The following SSBP4 variants were observed in gnomAD, a reference collection of about 807,000 sequenced individuals.
SSBP4 encodes the protein single stranded DNA binding protein 4.
A neutral mutation model predicts 64.6 loss-of-function variants in SSBP4; 33 were observed. That is an observed-to-expected ratio of 0.51 (90% CI 0.39 to 0.68). The LOEUF (loss-of-function observed/expected upper bound fraction) is 0.68. SSBP4 is among the 30% of genes least tolerant of loss of function. The probability of loss-of-function intolerance (pLI) is 0.00; values close to 1 mark genes in which losing one functional copy is unlikely to be tolerated. For synonymous variants in SSBP4, 243 were observed against 224.0 expected (o/e 1.08, Z -0.76); for missense variants, 583 against 566.8 (o/e 1.03, Z -0.29).
the SSBP4 span, among the ~76,000 whole-genome samples, chr19:18,408,295 G>A: frequency 2.4e-4 from 37 of 152,138 alleles, no homozygotes; most frequent in Admixed American, 1.3e-4. Context: ...CCCTCAGGTA[G>A]GACAACAGAA....
chr19:18,429,569 G>A (rs1318608403), intron 4 of SSBP4, among the ~76,000 whole-genome samples: 1 of 151,944 alleles, frequency 6.6e-6, no homozygotes, highest in East Asian at 1.9e-4. Flanking sequence ...GACAGACACA[G>A]GGCTCAAAGG....
chr19:18,418,956 G>T, upstream of SSBP4: 2 of 985,724 alleles, frequency 2.0e-6, no homozygotes, highest in Non-Finnish European at 2.4e-6. This position sits in a 1 kb window ranked among gnomAD's most constrained non-coding sequence, Gnocchi z 6.7. Context: ...TATGTGCGGT[G>T]GTTCCCACCC....
Position 18,419,688 on chromosome 19 carries a change from G to C in SSBP4, c.40G>C (p.Asp14His). 1 of 1,190,406 alleles carries C rather than the reference G, an allele frequency of 8.4e-7. No individual in the cohort carries two copies. 73.7% of individuals were successfully genotyped at this position (1,190,406 alleles called of 1,614,324 possible). A position where few individuals can be genotyped will look rare whatever the true frequency, so the allele number is the denominator to read the frequency against. ...KGGKGSAVPS[D>H]SQAREKLALY... Reference sequence around the variant, plus strand: ...GGGCAAGGGTTCGGCCGTGCCCTCCGACAGCCAGGCCCGCGAGAAGTGAGT... The same window carrying C: ...GGGCAAGGGTTCGGCCGTGCCCTCCCACAGCCAGGCCCGCGAGAAGTGAGT... The change falls in exon 1 of 18, where the codon GAC becomes CAC. Residue 14 changes from aspartate (D) to histidine (H), a missense_variant. Coordinates refer to ENST00000270061, the MANE Select transcript of SSBP4 (RefSeq NM_032627.5).
chr19:18,430,908 C>T lies in SSBP4; in HGVS notation c.347C>T (p.Ser116Phe). ...MAPGDTMAAG[S>F]MAAGFFQGPP... is the part of the protein sequence containing the mutation. ...CCAGGTGACACAATGGCCGCAGGCT[C>T]CATGGCGGCTGGCTTCTTCCAGGTA... The change falls in exon 5 of 18, where the codon TCC becomes TTC. Residue 116 changes from serine to phenylalanine, a missense_variant. Physicochemically the swap from Ser to Phe is radical, Grantham distance 155. Around this residue, in one of 5 missense-constraint regions of SSBP4, gnomAD observed 444 missense variants for 386.6 expected, o/e 1.15. Coordinates refer to ENST00000270061, the MANE Select transcript of SSBP4 (RefSeq NM_032627.5). 6.2e-7 allele frequency: 1 copy of T among 1,613,006 alleles called. No individual in the cohort carries two copies. Among genetic ancestry groups the T allele is most frequent in the Non-Finnish European group, 8.5e-7 (1 of 1,179,896 alleles).
upstream of SSBP4, chr19:18,418,746 C>G (rs904750134): frequency 6.4e-6 from 1 of 155,586 alleles, no homozygotes; most frequent in African/African-American, 2.4e-5. The surrounding 1 kb of genome is among the most constrained non-coding windows in gnomAD (Gnocchi z 6.7). Flanking sequence ...CTGAGGAGGC[C>G]GCGATAGTGC....
rs1015353916 is a variant in SSBP4, at chr19:18,433,171, G to A, written c.949G>A (p.Ala317Thr). 8 of 1,592,336 alleles carry A rather than the reference G, an allele frequency of 5.0e-6. No homozygotes were observed. Among genetic ancestry groups the A allele is most frequent in the Admixed American group, 1.8e-5 (1 of 56,284 alleles). ...LGPGPEGPMA[A>T]MSAMEPHHVN... ...CCCTGGCCCGGAGGGCCCCATGGCCGCCATGAGCGCGATGGAGCCTCACCA... is the reference window on the plus strand; with the variant it reads ...CCCTGGCCCGGAGGGCCCCATGGCCACCATGAGCGCGATGGAGCCTCACCA... Residue 317 changes from alanine (A) to threonine (T), a missense_variant, in exon 15 of 18, where the codon GCC becomes ACC. Around this residue, in one of 5 missense-constraint regions of SSBP4, gnomAD observed 444 missense variants for 386.6 expected, o/e 1.15. Coordinates refer to ENST00000270061, the MANE Select transcript of SSBP4 (RefSeq NM_032627.5).
In SSBP4 at chr19:18,419,603, C is replaced by A; in HGVS notation, c.-46C>A. The A allele has an allele frequency of 8.1e-7, 1 of 1,240,528 alleles. No homozygotes were observed. The highest frequency in any genetic ancestry group is 1.0e-6 in the Non-Finnish European group (1 of 987,016). 76.8% of individuals were successfully genotyped at this position (1,240,528 alleles called of 1,614,324 possible). On this transcript the variant is annotated 5_prime_UTR_variant, in exon 1 of 18. Transcript: ENST00000270061. Reference sequence around the variant, plus strand: ...TGGCGACGGCAAGCGCGGCCCGCGGCGCCGCCTGACAGGTGTGGGCCCCGG... The same window carrying A: ...TGGCGACGGCAAGCGCGGCCCGCGGAGCCGCCTGACAGGTGTGGGCCCCGG...
Position 18,426,387 on chromosome 19 carries a change from A to G in SSBP4, c.60-964A>G, listed in dbSNP as rs1972858347. Among the ~76,000 whole-genome samples, 1 of 151,632 alleles carries G rather than the reference A, an allele frequency of 6.6e-6. No homozygotes were observed. The highest frequency in any genetic ancestry group is 6.6e-5 in the Admixed American group (1 of 15,234). ...CTGTCTTGAATCTAAGAGTCCCCCA[A>G]CCCCCAGCAGACTCTCGTGGTCCCT... On this transcript the variant is annotated intron_variant, in intron 1 of 17. Transcript: ENST00000270061. The surrounding 1 kb of genome is among the most constrained non-coding windows in gnomAD (Gnocchi z 4.5).
chr19:18,420,176 C>T (rs1481413561), intron 1 of SSBP4: 3 of 151,972 alleles, frequency 2.0e-5, no homozygotes, highest in Admixed American at 6.5e-5. Context: ...GGACCCCAGT[C>T]GCCTGGGGTA....
At chr19:18,403,790 T>C in the SSBP4 span, among the ~76,000 whole-genome samples, 1 of 151,470 alleles carries the variant, frequency 6.6e-6, no homozygotes, top group Non-Finnish European at 1.5e-5. Flanking sequence ...GCCCCTGGGG[T>C]CTGGGCCTTC....
intron 4 of SSBP4, among the ~76,000 whole-genome samples, chr19:18,428,720 C>T (rs1289083161): frequency 2.0e-5 from 3 of 152,188 alleles, no homozygotes; most frequent in Non-Finnish European, 4.4e-5. Flanking sequence ...AGCGCAGGCC[C>T]CAGCAAGGCA....
At position 18,433,207 on chromosome 19, in the gene SSBP4, T is replaced by A; in HGVS notation, c.985T>A (p.Ser329Thr). ...SAMEPHHVNG[S>T]LGSGDMDGLP... ...GATGGAGCCTCACCACGTGAACGGA[T>A]CCCTGGGTGAGTGGGCGTCCCTGCT... Residue 329 changes from serine (S) to threonine (T), a missense_variant, in exon 15 of 18, where the codon TCC becomes ACC. Ser to Thr is a moderately conservative substitution (Grantham distance 58, BLOSUM62 1). Around this residue, in one of 5 missense-constraint regions of SSBP4, gnomAD observed 444 missense variants for 386.6 expected, o/e 1.15. Coordinates refer to ENST00000270061, the MANE Select transcript of SSBP4 (RefSeq NM_032627.5). The A allele has an allele frequency of 6.4e-7, 1 of 1,566,966 alleles. No individual in the cohort carries two copies. The highest frequency in any genetic ancestry group is 8.6e-7 in the Non-Finnish European group (1 of 1,156,538).
rs1330178295 is a variant in SSBP4, at chr19:18,433,054, G to C, written c.912+11G>C. The C allele has an allele frequency of 6.2e-7, 1 of 1,613,848 alleles. No homozygotes were observed. Among genetic ancestry groups the C allele is most frequent in the African/African-American group, 1.3e-5 (1 of 74,932 alleles). ...GCCGGCAGGGCTAATGTGAGTGGGG[G>C]CTTGCAGGGGTGCTTCTCGAGGCGG... On this transcript the variant is annotated intron_variant, in intron 14 of 17. Coordinates refer to ENST00000270061, the MANE Select transcript of SSBP4 (RefSeq NM_032627.5).
chr19:18,424,599 A>C, intron 1 of SSBP4, among the ~76,000 whole-genome samples: 1 of 146,326 alleles, frequency 6.8e-6, no homozygotes, highest in Non-Finnish European at 1.5e-5. Context: ...TTGAACAAGG[A>C]ACATGGGGGT....
At chr19:18,416,265 T>C (rs1395206160), upstream of SSBP4, among the ~76,000 whole-genome samples, 2 of 152,204 alleles carry the variant, frequency 1.3e-5, no homozygotes, top group African/African-American at 4.8e-5. Flanking sequence ...TTCGCCCGCC[T>C]CAGCCTCCCA....
chr19:18,429,232 G>A (rs954188063), intron 4 of SSBP4, among the ~76,000 whole-genome samples: 12 of 152,234 alleles, frequency 7.9e-5, no homozygotes, highest in Admixed American at 4.6e-4. Context: ...CGCCCTCCGA[G>A]GCGGGGGAGG....
chr19:18,428,086 G>A, intron 4 of SSBP4, 104 bp downstream of exon 4: 1 of 1,271,446 alleles, frequency 7.9e-7, no homozygotes, highest in East Asian at 2.5e-5. Context: ...GGAGGGCTGG[G>A]GATGGTGGCA....
chr19:18,409,736 C>A, the SSBP4 span, among the ~76,000 whole-genome samples: 3 of 151,976 alleles, frequency 2.0e-5, no homozygotes, highest in Non-Finnish European at 4.4e-5. Flanking sequence ...CCCAGGCTGG[C>A]CTCAAATTGC....
the SSBP4 span, among the ~76,000 whole-genome samples, chr19:18,410,997 G>C: frequency 3.3e-5 from 5 of 152,212 alleles, no homozygotes; most frequent in African/African-American, 9.6e-5. Context: ...AATTTCGGCC[G>C]GGCGCGGTGG....
Sources: allele counts gnomAD v4.1 joint callset (sites outside exome capture counted in the v4.1 genomes callset), GRCh38; gene constraint gnomAD v4.1.1; regional missense constraint gnomAD v4.1.1; non-coding constraint Gnocchi (gnomAD v3.1); transcripts MANE v1.5; gene names NCBI Gene and HGNC (gene_info 2026-07-23, HGNC 2026-07-21).